MAP4: variants seen among roughly 807,000 people sequenced by gnomAD.
The protein encoded by MAP4 is microtubule-associated protein 4.
In MAP4, 76 loss-of-function variants were observed where a neutral mutation model predicts 170.2. The observed-to-expected ratio is 0.45, with a 90% confidence interval of 0.37 to 0.54. The LOEUF (loss-of-function observed/expected upper bound fraction) is 0.54. Among genes scored for constraint, MAP4 ranks in the 20% least tolerant of loss-of-function variants. The probability of loss-of-function intolerance (pLI) is 0.00; values close to 1 mark genes in which losing one functional copy is unlikely to be tolerated. For missense variants in MAP4, 2,506 were observed against 2,748.0 expected, an observed-to-expected ratio of 0.91 and a Z score of 1.97; for synonymous variants, 909 against 994.5, an observed-to-expected ratio of 0.91 and a Z score of 1.62.
chr3:47,947,058 A>G (rs994718679), intron 3 of MAP4, among the ~76,000 whole-genome samples: 1 of 152,218 alleles, frequency 6.6e-6, no homozygotes, highest in Non-Finnish European at 1.5e-5. Context: ...TTCTAGCTCT[A>G]AACTGAAGAA....
chr3:48,069,309 C>G (rs2100139881), intron 1 of MAP4, among the ~76,000 whole-genome samples: 1 of 152,130 alleles, frequency 6.6e-6, no homozygotes, highest in Non-Finnish European at 1.5e-5. Flanking sequence ...TACTAGCATT[C>G]TGAAGGTCAC....
At chr3:47,858,153 A>G (rs1292275315) in intron 17 of MAP4, among the ~76,000 whole-genome samples, 2 of 151,334 alleles carry the variant, frequency 1.3e-5, no homozygotes, top group Non-Finnish European at 2.9e-5. Flanking sequence ...AGCTAGGATT[A>G]CAGGCATGCG....
At chr3:48,063,266 G>C (rs1426853126) in intron 1 of MAP4, among the ~76,000 whole-genome samples, 1 of 151,948 alleles carries the variant, frequency 6.6e-6, no homozygotes, top group Non-Finnish European at 1.5e-5. Flanking sequence ...TTCATTGCTA[G>C]TGGAAATGCA....
chr3:47,991,976 CT>C (rs1463712265), intron 2 of MAP4, among the ~76,000 whole-genome samples: 2 of 150,958 alleles, frequency 1.3e-5, no homozygotes, highest in Admixed American at 1.3e-4. Context: ...CAGTAAGACC[CT>C]GTCTTCAAAA....
chr3:47,904,985 A>G (rs1358476230), intron 9 of MAP4, among the ~76,000 whole-genome samples: 1 of 152,140 alleles, frequency 6.6e-6, no homozygotes, highest in Non-Finnish European at 1.5e-5. Context: ...CATTTGTAAT[A>G]TCTTTACTGT....
chr3:48,018,226 T>C (rs1014130071), upstream of MAP4, among the ~76,000 whole-genome samples: 4 of 152,156 alleles, frequency 2.6e-5, no homozygotes, highest in Non-Finnish European at 5.9e-5. Context: ...GTTAGTTGTA[T>C]ATACCAGCTC....
chr3:48,043,579 A>C lies in MAP4; in HGVS notation c.-19-44700T>G, dbSNP rs1311048821. On this transcript the variant is annotated intron_variant, in intron 1 of 18. Transcript: ENST00000360240. ...TACTTTTAGAATATTTTCTACAAAT[A>C]TTATTTTCAGTCAGTCCAAGTTTTT... Among the ~76,000 whole-genome samples, 3 of 152,192 alleles carry C rather than the reference A, an allele frequency of 2.0e-5. No individual in the cohort carries two copies. In the East Asian group the frequency reaches 5.8e-4, roughly 29 times the overall value.
intron 3 of MAP4, chr3:47,975,615 A>G (rs1336026275): frequency 2.9e-6 from 2 of 700,392 alleles, no homozygotes; most frequent in Non-Finnish European, 5.2e-6. Context: ...TCGGGACTAT[A>G]GATAACATTC....
At chr3:48,046,077 T>C (rs957332002) in intron 1 of MAP4, among the ~76,000 whole-genome samples, 10 of 151,998 alleles carry the variant, frequency 6.6e-5, no homozygotes, top group African/African-American at 1.9e-4. Flanking sequence ...ATCCAGAGTG[T>C]TTTGAATGAG....
At chr3:48,023,216 A>G (rs1251616489) in intron 1 of MAP4, among the ~76,000 whole-genome samples, 1 of 152,206 alleles carries the variant, frequency 6.6e-6, no homozygotes, top group Non-Finnish European at 1.5e-5. Flanking sequence ...AGAACTACAC[A>G]AGAAAGTACT....
Position 47,917,017 on chromosome 3 carries a change from G to T in MAP4, c.810C>A (p.Thr270=), listed in dbSNP as rs1225571345. ...CCATATCTTTAGCCAATGCCACCTC[G>T]GTTTTTGTAGCTAGTGCCATGTCCT... ...LAKDMALATK[T]EVALAKDMES... is the part of the protein sequence containing the mutation. The change falls in exon 7 of 21, where the codon ACC becomes ACA. Residue 270 remains threonine (T), a synonymous_variant. Transcript: ENST00000683076. 1 of 1,614,058 alleles carries T rather than the reference G, an allele frequency of 6.2e-7. No individual in the cohort carries two copies. Among genetic ancestry groups the T allele is most frequent in the South Asian group, 1.1e-5 (1 of 91,074 alleles).
intron 1 of MAP4, among the ~76,000 whole-genome samples, chr3:48,063,875 G>A (rs1283358702): frequency 1.3e-5 from 2 of 152,090 alleles, no homozygotes; most frequent in Non-Finnish European, 2.9e-5. Context: ...GGAGTACAGG[G>A]GATTTTTAGG....
intron 1 of MAP4, among the ~76,000 whole-genome samples, chr3:48,072,402 G>A (rs1218640639): frequency 1.3e-5 from 2 of 151,734 alleles, no homozygotes; most frequent in African/African-American, 4.8e-5. Context: ...TTGGGAGGGT[G>A]AGACAGGAGA....
intron 3 of MAP4, among the ~76,000 whole-genome samples, chr3:47,947,605 G>A (rs778399974): frequency 2.0e-5 from 3 of 151,938 alleles, no homozygotes; most frequent in Non-Finnish European, 2.9e-5. Flanking sequence ...CTGAGCTCAC[G>A]AGTTCGAGAC....
rs368659648 is a variant in MAP4, at chr3:47,855,399, G to A, written c.6584-39C>T. 8 of 1,282,098 alleles carry A rather than the reference G, an allele frequency of 6.2e-6. No homozygotes were observed. Among genetic ancestry groups the A allele is most frequent in the South Asian group, 1.2e-5 (1 of 84,376 alleles). 79.4% of individuals were successfully genotyped at this position (1,282,098 alleles called of 1,614,324 possible). A position where few individuals can be genotyped will look rare whatever the true frequency, so the allele number is the denominator to read the frequency against. On this transcript the variant is annotated intron_variant, in intron 18 of 20. Coordinates refer to ENST00000683076, the MANE Select transcript of MAP4 (RefSeq NM_001385682.1). The surrounding 1 kb of genome is among the most constrained non-coding windows in gnomAD (Gnocchi z 5.1). The stretch of plus-strand genomic sequence containing the variant: ...GGAACTGGTCACCTAGGGTGGCAGA[G>A]GAATATCCCTGCAGGCAAAACCAGG...
At chr3:47,946,091 T>C (rs1034978421) in intron 3 of MAP4, among the ~76,000 whole-genome samples, 4 of 151,040 alleles carry the variant, frequency 2.6e-5, no homozygotes, top group Non-Finnish European at 4.4e-5. Context: ...CCCGCCACCA[T>C]GCTTGGCTAA....
At chr3:47,964,124 T>C (rs575262239) in intron 3 of MAP4, among the ~76,000 whole-genome samples, 2 of 152,320 alleles carry the variant, frequency 1.3e-5, no homozygotes, top group South Asian at 4.2e-4. Flanking sequence ...CTTGTGGTAT[T>C]TCATAAGGAC....
intron 10 of MAP4, among the ~76,000 whole-genome samples, chr3:47,898,098 G>GT (rs1356772227): frequency 1.3e-5 from 2 of 152,176 alleles, no homozygotes; most frequent in Non-Finnish European, 2.9e-5. Flanking sequence ...CCTTAGCACT[G>GT]TAAGTTTCCT....
intron 3 of MAP4, chr3:47,960,853 C>T (rs2100071122): frequency 1.2e-5 from 2 of 171,470 alleles, no homozygotes; most frequent in African/African-American, 4.8e-5. Flanking sequence ...TTGAATATTA[C>T]TCTTATCATA....
Sources: gnomAD v4.1 joint callset for allele counts (sites outside exome capture counted in the v4.1 genomes callset) on GRCh38, gnomAD v4.1.1 for gene constraint, Gnocchi (gnomAD v3.1) non-coding constraint, MANE v1.5 for transcripts, NCBI Gene and HGNC (gene_info 2026-07-23, HGNC 2026-07-21) for gene names.